GAGE10: variants seen among roughly 807,000 people sequenced by gnomAD.
The protein encoded by GAGE10 is G antigen 10.
GAGE10 carries 9 observed loss-of-function variants against 11.5 expected under a neutral mutation model. That is an observed-to-expected ratio of 0.78 (90% CI 0.47 to 1.37). The LOEUF (loss-of-function observed/expected upper bound fraction) is 1.37. Among genes scored for constraint, GAGE10 ranks in the 40% most tolerant of loss-of-function variants. The probability of loss-of-function intolerance (pLI) is 0.00; values close to 1 mark genes in which losing one functional copy is unlikely to be tolerated. For synonymous variants in GAGE10, 23 were observed against 29.7 expected (o/e 0.77, Z 0.73); for missense variants, 83 against 92.9 (o/e 0.89, Z 0.44).
intron 4 of GAGE10, among the ~76,000 whole-genome samples, 187 bp downstream of exon 4, chrX:49,317,475 G>A (rs1440705310): frequency 9.0e-6 from 1 of 111,446 alleles, no homozygotes; most frequent in Non-Finnish European, 1.9e-5. Context: ...AGCCTCTCGC[G>A]GAGCTGGGCT....
intron 3 of GAGE10, among the ~76,000 whole-genome samples, chrX:49,315,925 A>C (rs1404385439): frequency 8.9e-6 from 1 of 112,125 alleles, no homozygotes; most frequent in Non-Finnish European, 1.9e-5. Flanking sequence ...ACACTACCTC[A>C]CAGTTGATGG....
intron 1 of GAGE10, 103 bp downstream of exon 1, chrX:49,303,856 T>C (rs1161706362): frequency 1.8e-5 from 2 of 112,474 alleles, no homozygotes; most frequent in African/African-American, 6.5e-5. Flanking sequence ...TCGTGGTCTG[T>C]GGCCTCTGAG....
At chrX:49,305,744 C>A (rs1557124055) in intron 3 of GAGE10, among the ~76,000 whole-genome samples, 2 of 111,717 alleles carry the variant, frequency 1.8e-5, no homozygotes, top group African/African-American at 3.3e-5. Context: ...GATAAAAGTT[C>A]TCATCTTTAT....
chrX:49,309,368 C>T (rs782400088), intron 3 of GAGE10, among the ~76,000 whole-genome samples: 1 of 112,232 alleles, frequency 8.9e-6, no homozygotes, highest in Non-Finnish European at 1.9e-5. Flanking sequence ...GATGGCGGGC[C>T]GAAGGCACTA....
At chrX:49,316,804 T>C (rs1248436428) in intron 3 of GAGE10, among the ~76,000 whole-genome samples, 1 of 111,563 alleles carries the variant, frequency 9.0e-6, no homozygotes, top group Non-Finnish European at 1.9e-5. Context: ...TATTGCTGGC[T>C]AGTCATGCCA....
intron 3 of GAGE10, among the ~76,000 whole-genome samples, chrX:49,313,813 C>A (rs189939083): frequency 9.0e-6 from 1 of 111,204 alleles, no homozygotes; most frequent in African/African-American, 3.3e-5. Context: ...AATGCTCCTA[C>A]GGCAAAACCC....
chrX:49,308,850 T>C (rs2066366154), intron 3 of GAGE10, among the ~76,000 whole-genome samples: 1 of 111,189 alleles, frequency 9.0e-6, no homozygotes, highest in African/African-American at 3.3e-5. Context: ...GGTGTGTGAA[T>C]GTGGGAGCCT....
At chrX:49,304,499 G>A (rs1247960617) in intron 1 of GAGE10, among the ~76,000 whole-genome samples, 1 of 112,921 alleles carries the variant, frequency 8.9e-6, no homozygotes, top group Non-Finnish European at 1.9e-5. Flanking sequence ...CCAGTTACTC[G>A]GGACGCTGAG....
intron 3 of GAGE10, among the ~76,000 whole-genome samples, chrX:49,316,749 G>A (rs2066393123): frequency 9.0e-6 from 1 of 111,552 alleles, no homozygotes; most frequent in Admixed American, 9.6e-5. Flanking sequence ...CTGCAGTTTG[G>A]GCTTTTTCAT....
chrX:49,309,886 C>T (rs1229609690), intron 3 of GAGE10, among the ~76,000 whole-genome samples: 3 of 111,883 alleles, frequency 2.7e-5, no homozygotes, highest in Non-Finnish European at 3.8e-5. Context: ...CTGGCCATGC[C>T]GAAGTTATGC....
chrX:49,314,841 C>A (rs2066386077), intron 3 of GAGE10, among the ~76,000 whole-genome samples: 3 of 111,952 alleles, frequency 2.7e-5, no homozygotes, highest in Non-Finnish European at 1.9e-5. Context: ...GGAATTAATG[C>A]CACAAGATAA....
Position 49,304,917 on chromosome X carries a change from C to T in GAGE10, c.58C>T (p.Pro20Ser), listed in dbSNP as rs782060702. Residue 20 changes from proline to serine, a missense_variant, in exon 2 of 5, where the codon CCT (proline) becomes TCT (serine). This residue lies in a region of GAGE10 where 15 missense variants were observed against 25.5 expected (regional missense o/e 0.59). Coordinates refer to ENST00000407599, the MANE Select transcript of GAGE10 (RefSeq NM_001098413.4). ...TAGACCAAGACGCTACGTAGAGCCC[C>T]CTGAAATGATTGGGCCTATGCTGGT... Reference protein sequence around the residue: ...RPRPRRYVEPPEMIGPMLPEQ... With the variant: ...RPRPRRYVEPSEMIGPMLPEQ... The T allele has an allele frequency of 4.1e-6, 5 of 1,206,732 alleles. No homozygotes were observed. The highest frequency in any genetic ancestry group is 4.5e-6 in the Non-Finnish European group (4 of 892,351).
Position 49,317,260 on chromosome X carries a change from T to C in GAGE10, c.300T>C (p.Asn100=), listed in dbSNP as rs782522632. 6.6e-6 allele frequency: 8 copies of C among 1,205,598 alleles called. No homozygotes were observed. In the African/African-American group the frequency reaches 1.2e-4, roughly 19 times the overall value. ...GPDGQEMGLP[N]PEEVKRPEEG... ...ATGGCCAGGAGATGGGCCTGCCAAA[T>C]CCAGAGGAGGTGAAAAGGCCTGAAG... is the stretch of plus-strand genomic sequence containing the variant. The change falls in exon 4 of 5, where the codon AAT becomes AAC. Residue 100 remains asparagine (N), a synonymous_variant. Coordinates refer to ENST00000407599, the MANE Select transcript of GAGE10 (RefSeq NM_001098413.4).
chrX:49,306,504 G>A (rs2066357376), intron 3 of GAGE10, among the ~76,000 whole-genome samples: 1 of 112,090 alleles, frequency 8.9e-6, no homozygotes, highest in Non-Finnish European at 1.9e-5. Context: ...TGTCATGACT[G>A]TAAGATTTTC....
intron 3 of GAGE10, among the ~76,000 whole-genome samples, chrX:49,306,581 C>T (rs782750947): frequency 8.9e-6 from 1 of 112,052 alleles, no homozygotes; most frequent in Non-Finnish European, 1.9e-5. Context: ...TAACCGAAAT[C>T]CTATCCATGT....
At chrX:49,306,368 A>G (rs4824751) in intron 3 of GAGE10, among the ~76,000 whole-genome samples, 48,819 of 110,781 alleles carry the variant, frequency 0.44, 9,056 homozygotes, top group Non-Finnish European at 0.59. Flanking sequence ...TTCACAAACA[A>G]TGTTATATTT....
In GAGE10 at chrX:49,317,207, A is replaced by T; in HGVS notation, c.247A>T (p.Thr83Ser). 8.3e-7 allele frequency: 1 copy of T among 1,206,547 alleles called. No individual in the cohort carries two copies. Among genetic ancestry groups the T allele is most frequent in the Non-Finnish European group, 1.1e-6 (1 of 891,819 alleles). The change falls in exon 4 of 5, where the codon ACT becomes TCT. Residue 83 changes from threonine to serine, a missense_variant. Transcript: ENST00000407599. The stretch of plus-strand genomic sequence containing the variant: ...TAGCCAGGAACAGGTTCACCCAAAG[A>T]CTGGGTGTGAGTGTGGAGATGGTCC... Reference protein sequence around the residue: ...ADSQEQVHPKTGCECGDGPDG... With the variant: ...ADSQEQVHPKSGCECGDGPDG...
intron 1 of GAGE10, among the ~76,000 whole-genome samples, chrX:49,304,256 C>G (rs12849276): frequency 1.8e-5 from 2 of 112,185 alleles, no homozygotes; most frequent in Non-Finnish European, 3.8e-5. Flanking sequence ...ATCGCAAGAT[C>G]TCACCTCCGC....
chrX:49,304,080 G>A (rs1196210801), intron 1 of GAGE10, among the ~76,000 whole-genome samples: 1 of 112,026 alleles, frequency 8.9e-6, no homozygotes, highest in Non-Finnish European at 1.9e-5. Flanking sequence ...CTGTCAGAGG[G>A]ATGGAAGTCC....
Sources: gnomAD v4.1 joint callset for allele counts (sites outside exome capture counted in the v4.1 genomes callset) on GRCh38, gnomAD v4.1.1 for gene constraint, gnomAD v4.1.1 regional missense constraint, MANE v1.5 for transcripts, NCBI Gene and HGNC (gene_info 2026-07-23, HGNC 2026-07-21) for gene names.